The following HM13 variants were observed in gnomAD, a reference collection of about 807,000 sequenced individuals.
HM13 encodes the protein signal peptide peptidase.
A neutral mutation model predicts 50.0 loss-of-function variants in HM13; 18 were observed. The ratio of observed to expected loss-of-function variants is 0.36; its 90% CI spans 0.25 to 0.53. HM13 has a LOEUF of 0.53. Ranked by LOEUF, HM13 falls within the 20% of genes least tolerant of loss-of-function variation. HM13 has a pLI of 0.90. For synonymous variants in HM13, 197 were observed against 232.6 expected (o/e 0.85, Z 1.39); for missense variants, 393 against 552.4 (o/e 0.71, Z 2.89).
rs1218513466 is a variant in HM13 at position 31,569,220 on chromosome 20, T to A, written c.*1T>A. On this transcript the variant is annotated 3_prime_UTR_variant, in exon 13 of 13. Coordinates refer to ENST00000398174, the MANE Select transcript of HM13 (RefSeq NM_178581.3). The stretch of plus-strand genomic sequence containing the variant: ...GGGGCTGGAGAAGAAAGAGAAATGA[T>A]GCAGCTGGTGCCCGAGCCTCTCAGG... 2 of 1,568,462 alleles carry A rather than the reference T, an allele frequency of 1.3e-6. No individual in the cohort carries two copies. The highest frequency in any genetic ancestry group is 1.7e-6 in the Non-Finnish European group (2 of 1,153,338).
chr20:31,550,369 T>G (rs1983977546), intron 7 of HM13: 1 of 513,972 alleles, frequency 1.9e-6, no homozygotes, highest in Non-Finnish European at 3.5e-6. Flanking sequence ...GGAGCGAGCA[T>G]GGAGGGGAAG....
At chr20:31,553,523 T>G (rs1311579839) in intron 7 of HM13, among the ~76,000 whole-genome samples, 1 of 152,098 alleles carries the variant, frequency 6.6e-6, no homozygotes, top group African/African-American at 2.4e-5. Flanking sequence ...AGTTCTGTTG[T>G]CTACCCGTTT....
At chr20:31,540,081 G>A (rs974246921) in intron 3 of HM13, 2 of 152,330 alleles carry the variant, frequency 1.3e-5, no homozygotes, top group South Asian at 2.1e-4. Flanking sequence ...CCTAGTGGCT[G>A]GCCCAGGGTT....
chr20:31,530,991 G>A (rs773810743), intron 2 of HM13, among the ~76,000 whole-genome samples: 7 of 152,212 alleles, frequency 4.6e-5, no homozygotes, highest in Non-Finnish European at 1.0e-4. Context: ...GCGCTCACCT[G>A]CATTGGATAA....
chr20:31,536,482 T>C (rs1983113733), intron 2 of HM13, among the ~76,000 whole-genome samples: 1 of 152,066 alleles, frequency 6.6e-6, no homozygotes, highest in South Asian at 2.1e-4. Context: ...GCTTCCACTC[T>C]AGCCCTGCAG....
At chr20:31,535,449 G>A (rs1176608587) in intron 2 of HM13, 1 of 152,146 alleles carries the variant, frequency 6.6e-6, no homozygotes, top group Non-Finnish European at 1.5e-5. Context: ...TGGCTTTTTA[G>A]CAGCCAAAAC....
At chr20:31,527,604 G>GTT in intron 2 of HM13, 22 bp downstream of exon 2, 1 of 1,501,424 alleles carries the variant, frequency 6.7e-7, no homozygotes, top group South Asian at 1.1e-5. Context: ...GCCACCTGTT[G>GTT]TGTCATTTGA....
At chr20:31,533,640 C>T (rs1982945300) in intron 2 of HM13, among the ~76,000 whole-genome samples, 1 of 152,194 alleles carries the variant, frequency 6.6e-6, no homozygotes, top group Non-Finnish European at 1.5e-5. Context: ...CCTTTCTTGC[C>T]CTCCTCTACT....
intron 1 of HM13, among the ~76,000 whole-genome samples, chr20:31,520,098 C>T (rs536551821): frequency 3.3e-5 from 5 of 152,188 alleles, no homozygotes; most frequent in Non-Finnish European, 7.4e-5. Context: ...CTCAGGTGAT[C>T]TGCCCGCCTT....
chr20:31,555,437 G>A lies in HM13; in HGVS notation c.808+608G>A, dbSNP rs1168791234. Among the ~76,000 whole-genome samples, 6 of 82,074 alleles carry A rather than the reference G, an allele frequency of 7.3e-5. No homozygotes were observed. In the African/African-American group the frequency reaches 1.6e-3, roughly 22 times the overall value. The allele number at this position is 82,074 out of a possible 152,430, so 53.8% of individuals were successfully genotyped here. A position where few individuals can be genotyped will look rare whatever the true frequency, so the allele number is the denominator to read the frequency against. The stretch of plus-strand genomic sequence containing the variant: ...TCAGTGTGTCTGTGGGTATGGACAC[G>A]GGCCCTGTCCACAATCCAAGCAGGA... On this transcript the variant is annotated intron_variant, in intron 8 of 12. Transcript: ENST00000398174.
intron 7 of HM13, among the ~76,000 whole-genome samples, chr20:31,554,355 G>A (rs370014440): frequency 1.3e-5 from 2 of 150,220 alleles, no homozygotes; most frequent in Non-Finnish European, 2.9e-5. Context: ...CATTGCCCTG[G>A]GCAATAGAGC....
At chr20:31,568,294 T>A in intron 12 of HM13, 70 bp downstream of exon 12, 1 of 1,572,218 alleles carries the variant, frequency 6.4e-7, no homozygotes. Flanking sequence ...GGGCAGACAC[T>A]GCAGCTCCAG....
In HM13 at chr20:31,569,148, G is replaced by A. The variant is rs762022201; in HGVS notation, c.1210G>A (p.Ala404Thr). The A allele has an allele frequency of 1.3e-6, 2 of 1,590,958 alleles. No individual in the cohort carries two copies. Among genetic ancestry groups the A allele is most frequent in the South Asian group, 1.1e-5 (1 of 88,454 alleles). ...TGAGGAGTCAAATCCTAAGGATCCA[G>A]CGGCAGTGACAGAATCCAAAGAGGG... ...IYEESNPKDP[A>T]AVTESKEGTE... The change falls in exon 13 of 13, where the codon GCG becomes ACG. Residue 404 changes from alanine (A) to threonine (T), a missense_variant. Ala to Thr is a moderately conservative substitution (Grantham distance 58). Around this residue, in one of 3 missense-constraint regions of HM13, gnomAD observed 105 missense variants for 115.9 expected, o/e 0.91. Coordinates refer to ENST00000398174, the MANE Select transcript of HM13 (RefSeq NM_178581.3).
chr20:31,566,621 G>A (rs2122670510), intron 11 of HM13, among the ~76,000 whole-genome samples: 1 of 152,136 alleles, frequency 6.6e-6, no homozygotes, highest in African/African-American at 2.4e-5. Flanking sequence ...GCCCCCAGGT[G>A]ACTTCAGGCA....
At chr20:31,516,479 A>G (rs1384284468) in intron 1 of HM13, among the ~76,000 whole-genome samples, 2 of 152,214 alleles carry the variant, frequency 1.3e-5, no homozygotes, top group East Asian at 3.8e-4. Context: ...ACTACAAGCA[A>G]TGCTACAAGG....
At position 31,514,806 on chromosome 20, in the gene HM13, C is replaced by T; in HGVS notation, c.183+72C>T. 1 of 1,345,176 alleles carries T rather than the reference C, an allele frequency of 7.4e-7. No homozygotes were observed. The allele number at this position is 1,345,176 out of a possible 1,614,324, so 83.3% of individuals were successfully genotyped here. ...ACGGCCGACATGGACCCTTCCTAGG[C>T]GGGACAGACACCTCTCCCCGGACAC... On this transcript the variant is annotated intron_variant, in intron 1 of 12. Transcript: ENST00000398174. This position sits in a 1 kb window ranked among gnomAD's most constrained non-coding sequence, Gnocchi z 4.3.
At position 31,568,090 on chromosome 20, in the gene HM13, G is replaced by A. The variant is rs760437494; in HGVS notation, c.1047G>A (p.Ser349=). 3.0e-5 allele frequency: 49 copies of A among 1,609,448 alleles called. No individual in the cohort carries two copies. Among genetic ancestry groups the A allele is most frequent in the East Asian group, 1.1e-4 (5 of 44,708 alleles). The change falls in exon 12 of 13, where the codon TCG becomes TCA. Residue 349 remains serine (S), a synonymous_variant. Transcript: ENST00000398174. ...EVTEMFSYES[S]AEILPHTPRL... ...CTCTCTCACACAGCTACGAGTCCTC[G>A]GCGGAAATCCTGCCTCATACCCCGA... is the stretch of plus-strand genomic sequence containing the variant.
At chr20:31,521,124 T>G (rs1166882816) in intron 1 of HM13, among the ~76,000 whole-genome samples, 1 of 152,246 alleles carries the variant, frequency 6.6e-6, no homozygotes, top group Non-Finnish European at 1.5e-5. Context: ...GCAATTGGAT[T>G]GGTAAAGAAT....
Position 31,515,673 on chromosome 20 carries a change from A to G in HM13, c.183+939A>G, listed in dbSNP as rs374317139. The stretch of plus-strand genomic sequence containing the variant: ...CCTGGCCTTCCTCAACATCTGTCCT[A>G]TTGGATAACTAGGAGGACTCCAGCA... On this transcript the variant is annotated intron_variant, in intron 1 of 12. Transcript: ENST00000398174. 2.9e-4 allele frequency among the ~76,000 whole-genome samples: 44 copies of G among 151,850 alleles called. 1 individual carries two copies. The East Asian group carries it at 5.6e-3, about 19-fold the overall frequency.
Sources: gnomAD v4.1 joint callset for allele counts (sites outside exome capture counted in the v4.1 genomes callset) on GRCh38, gnomAD v4.1.1 for gene constraint, gnomAD v4.1.1 regional missense constraint, Gnocchi (gnomAD v3.1) non-coding constraint, MANE v1.5 for transcripts, NCBI Gene and HGNC (gene_info 2026-07-23, HGNC 2026-07-21) for gene names.